TEX36: variants seen among roughly 807,000 people sequenced by gnomAD.
TEX36 encodes testis expressed 36.
In TEX36, 12 loss-of-function variants were observed where a neutral mutation model predicts 13.6. That is an observed-to-expected ratio of 0.88 (90% confidence interval 0.56 to 1.43). The LOEUF (loss-of-function observed/expected upper bound fraction) is 1.43. Among genes scored for constraint, TEX36 ranks in the 40% most tolerant of loss-of-function variants. The pLI, the probability that TEX36 is intolerant of heterozygous loss-of-function variation, is 0.00. For missense variants in TEX36, 224 were observed against 228.3 expected, an observed-to-expected ratio of 0.98 and a Z score of 0.12; for synonymous variants, 93 against 83.0, an observed-to-expected ratio of 1.12 and a Z score of -0.65.
At chr10:125,586,829 T>C (rs1426001448) in intron 3 of TEX36, among the ~76,000 whole-genome samples, 1 of 151,394 alleles carries the variant, frequency 6.6e-6, no homozygotes. Flanking sequence ...CCAGGCGATA[T>C]GGCTTGGATC....
intron 1 of TEX36, chr10:125,666,976 C>A: frequency 8.5e-7 from 1 of 1,174,434 alleles, no homozygotes. Context: ...TTGGCCACGG[C>A]TCACTTGACT....
chr10:125,666,114 T>C (rs989118208), intron 1 of TEX36, among the ~76,000 whole-genome samples: 1 of 152,206 alleles, frequency 6.6e-6, no homozygotes, highest in Admixed American at 6.5e-5. Context: ...ATTTAGGTTT[T>C]TCTAGATATA....
intron 3 of TEX36, 65 bp downstream of exon 3, chr10:125,660,956 C>T: frequency 7.2e-7 from 1 of 1,394,906 alleles, no homozygotes; most frequent in Non-Finnish European, 1.0e-6. Context: ...TTCAACACAC[C>T]CCAGAAAATC....
At chr10:125,657,965 G>A (rs1336196306) in intron 3 of TEX36, among the ~76,000 whole-genome samples, 1 of 151,936 alleles carries the variant, frequency 6.6e-6, no homozygotes, top group African/African-American at 2.4e-5. Context: ...AAGTCAGAGT[G>A]AGCAAATAAA....
chr10:125,640,661 C>T (rs1416903809), intron 3 of TEX36, among the ~76,000 whole-genome samples: 2 of 152,064 alleles, frequency 1.3e-5, no homozygotes, highest in African/African-American at 2.4e-5. Context: ...AATTGACTGC[C>T]CTGTGTGTTT....
At position 125,634,751 on chromosome 10, in the gene TEX36, C is replaced by T. The variant is rs78239382; in HGVS notation, c.265-13106G>A. Among the ~76,000 whole-genome samples the T allele has an allele frequency of 4.0e-3, 615 of 152,248 alleles. 11 individuals carry two copies. The highest frequency in any genetic ancestry group is 0.014 in the African/African-American group (587 of 41,526). The stretch of plus-strand genomic sequence containing the variant: ...CCCAGATCTGCAAACAATGGTTTAG[C>T]GGTTGGCTGTGCTGAAAACATCCAC... On this transcript the variant is annotated intron_variant, in intron 3 of 3. Transcript: ENST00000526819.
intron 3 of TEX36, among the ~76,000 whole-genome samples, chr10:125,600,388 A>T (rs1480168441): frequency 6.6e-6 from 1 of 152,030 alleles, no homozygotes; most frequent in Non-Finnish European, 1.5e-5. Flanking sequence ...GAAAGATGTC[A>T]CTAGATGGGA....
At chr10:125,610,768 C>T (rs916338837) in intron 3 of TEX36, among the ~76,000 whole-genome samples, 1 of 152,122 alleles carries the variant, frequency 6.6e-6, no homozygotes, top group African/African-American at 2.4e-5. Flanking sequence ...AGATATGATG[C>T]TATATTTTCT....
intron 3 of TEX36, among the ~76,000 whole-genome samples, chr10:125,622,426 T>G (rs544924044): frequency 1.3e-5 from 2 of 152,362 alleles, no homozygotes; most frequent in African/African-American, 4.8e-5. Flanking sequence ...CAGTCTTCAT[T>G]TCTACAACTG....
chr10:125,667,371 TA>T (rs760495476), intron 1 of TEX36: 15 of 645,046 alleles, frequency 2.3e-5, no homozygotes, highest in Admixed American at 7.3e-5. Flanking sequence ...TGGTCCCCAT[TA>T]GGGGGGATCT....
intron 3 of TEX36, among the ~76,000 whole-genome samples, chr10:125,591,537 G>T (rs1328173330): frequency 6.6e-6 from 1 of 152,192 alleles, no homozygotes; most frequent in Non-Finnish European, 1.5e-5. Flanking sequence ...CTCTAGAACT[G>T]TCCCAGCTTC....
chr10:125,618,743 G>T (rs1846389077), downstream of TEX36, among the ~76,000 whole-genome samples: 1 of 151,974 alleles, frequency 6.6e-6, no homozygotes, highest in South Asian at 2.1e-4. Flanking sequence ...GGTTATCTTT[G>T]TCAGAATAGA....
At chr10:125,598,279 T>G (rs1425187547) in intron 3 of TEX36, among the ~76,000 whole-genome samples, 1 of 152,224 alleles carries the variant, frequency 6.6e-6, no homozygotes, top group Non-Finnish European at 1.5e-5. Flanking sequence ...GCCCAGCTGT[T>G]ATGTGTAAGC....
At chr10:125,678,526 A>G (rs529718343) in intron 1 of TEX36, among the ~76,000 whole-genome samples, 8 of 152,064 alleles carry the variant, frequency 5.3e-5, no homozygotes, top group Admixed American at 4.6e-4. Flanking sequence ...CTTTGATACT[A>G]GTAGTGGCAG....
At chr10:125,600,128 A>G (rs970084391) in intron 3 of TEX36, among the ~76,000 whole-genome samples, 4 of 152,224 alleles carry the variant, frequency 2.6e-5, no homozygotes, top group African/African-American at 9.6e-5. Flanking sequence ...GAGCTAGTCT[A>G]CAGGATGGCA....
chr10:125,682,129 G>T (rs1464572828), intron 1 of TEX36, among the ~76,000 whole-genome samples: 1 of 152,172 alleles, frequency 6.6e-6, no homozygotes, highest in Non-Finnish European at 1.5e-5. Context: ...TTTTGTGAAT[G>T]AATTGTAGAA....
chr10:125,635,606 G>A (rs1458514129), intron 3 of TEX36, among the ~76,000 whole-genome samples: 2 of 152,186 alleles, frequency 1.3e-5, no homozygotes, highest in Non-Finnish European at 2.9e-5. Context: ...GATGGGGGAA[G>A]TTCACCGTCT....
At chr10:125,610,981 G>A (rs1352145602) in intron 3 of TEX36, among the ~76,000 whole-genome samples, 2 of 152,160 alleles carry the variant, frequency 1.3e-5, no homozygotes, top group African/African-American at 4.8e-5. Flanking sequence ...TTCCGTGGAT[G>A]TGTGGTTCTG....
chr10:125,677,542 T>A (rs1847329704), intron 1 of TEX36, among the ~76,000 whole-genome samples: 1 of 152,194 alleles, frequency 6.6e-6, no homozygotes, highest in South Asian at 2.1e-4. Context: ...AATTTCAGAA[T>A]TTCTATTTGG....
Sources: allele counts gnomAD v4.1 joint callset (sites outside exome capture counted in the v4.1 genomes callset), GRCh38; gene constraint gnomAD v4.1.1; transcripts MANE v1.5; gene names NCBI Gene and HGNC (gene_info 2026-07-23, HGNC 2026-07-21).